AFG2A: variants seen among roughly 807,000 people sequenced by gnomAD.
AFG2A encodes ATPase family gene 2 protein homolog A.
At chr4:123,085,111 G>A in the AFG2A span, among the ~76,000 whole-genome samples, 604 of 152,028 alleles carry the variant, frequency 4.0e-3, 3 homozygotes, top group Non-Finnish European at 5.6e-3. Context: ...ATTTGTTCAT[G>A]TGTGTTTTAT....
chr4:123,108,701 G>A, the AFG2A span, among the ~76,000 whole-genome samples: 6 of 151,934 alleles, frequency 3.9e-5, no homozygotes, highest in African/African-American at 1.2e-4. Context: ...ATTTGTCATA[G>A]GATTTTATAA....
chr4:123,292,576 C>T, the AFG2A span, among the ~76,000 whole-genome samples: 8 of 152,192 alleles, frequency 5.3e-5, no homozygotes, highest in East Asian at 3.9e-4. Flanking sequence ...TTAATGTTTG[C>T]GGTATAGTCA....
chr4:123,171,776 A>G, the AFG2A span, among the ~76,000 whole-genome samples: 7 of 152,194 alleles, frequency 4.6e-5, no homozygotes, highest in African/African-American at 1.7e-4. Context: ...ATTTTTCCAT[A>G]AATGCTTTTC....
chr4:123,141,694 G>A, the AFG2A span, among the ~76,000 whole-genome samples: 98 of 152,260 alleles, frequency 6.4e-4, no homozygotes, highest in African/African-American at 2.2e-3. Flanking sequence ...GTAGAGGCTC[G>A]ATCTGCATCT....
the AFG2A span, among the ~76,000 whole-genome samples, chr4:123,151,231 C>T: frequency 1.6e-4 from 25 of 152,170 alleles, no homozygotes; most frequent in African/African-American, 6.0e-4. Flanking sequence ...ATGACTAAAA[C>T]ACCAAAAGCA....
the AFG2A span, among the ~76,000 whole-genome samples, chr4:123,064,560 G>A: frequency 6.6e-6 from 1 of 152,150 alleles, no homozygotes; most frequent in South Asian, 2.1e-4. Context: ...AGAGCAAACT[G>A]GGCAGTAAAT....
the AFG2A span, among the ~76,000 whole-genome samples, chr4:123,121,335 A>G: frequency 6.6e-6 from 1 of 152,014 alleles, no homozygotes; most frequent in Non-Finnish European, 1.5e-5. Flanking sequence ...TAAGTTTAGC[A>G]TAGTCTTATT....
At chr4:123,209,828 C>T in the AFG2A span, among the ~76,000 whole-genome samples, 1 of 152,026 alleles carries the variant, frequency 6.6e-6, no homozygotes, top group East Asian at 1.9e-4. Flanking sequence ...CCTAGAACCT[C>T]AATTCTAGTA....
At chr4:123,273,162 C>T in the AFG2A span, among the ~76,000 whole-genome samples, 1 of 152,232 alleles carries the variant, frequency 6.6e-6, no homozygotes, top group East Asian at 1.9e-4. Context: ...CGCTGATCCT[C>T]AACTTAAAAG....
At chr4:123,129,037 T>C in the AFG2A span, among the ~76,000 whole-genome samples, 2 of 152,232 alleles carry the variant, frequency 1.3e-5, no homozygotes, top group Admixed American at 6.5e-5. Flanking sequence ...TGTTAAAGTA[T>C]TTGCTTAAAA....
chr4:123,287,491 T>A, the AFG2A span, among the ~76,000 whole-genome samples: 2 of 152,220 alleles, frequency 1.3e-5, no homozygotes, highest in African/African-American at 4.8e-5. Context: ...CTATAAGGCA[T>A]ATAAATTCCA....
At chr4:123,172,116 A>G in the AFG2A span, among the ~76,000 whole-genome samples, 1 of 152,118 alleles carries the variant, frequency 6.6e-6, no homozygotes, top group African/African-American at 2.4e-5. Flanking sequence ...TTTGCCATGC[A>G]TTCTTAATAC....
chr4:122,927,718 G>C, the AFG2A span: 1 of 1,613,114 alleles, frequency 6.2e-7, no homozygotes, highest in African/African-American at 1.3e-5. Flanking sequence ...ATATGTATAG[G>C]TCGACCAGTG....
At chr4:123,087,269 A>G in the AFG2A span, among the ~76,000 whole-genome samples, 1 of 152,124 alleles carries the variant, frequency 6.6e-6, no homozygotes, top group Non-Finnish European at 1.5e-5. Context: ...TAGTGAGTCT[A>G]TACCCTTGGA....
At chr4:122,929,365 A>G in the AFG2A span, among the ~76,000 whole-genome samples, 1 of 152,218 alleles carries the variant, frequency 6.6e-6, no homozygotes, top group Non-Finnish European at 1.5e-5. Flanking sequence ...TAACCAGTAT[A>G]TATAAAAATG....
At chr4:123,106,752 C>T in the AFG2A span, among the ~76,000 whole-genome samples, 2 of 152,256 alleles carry the variant, frequency 1.3e-5, no homozygotes, top group African/African-American at 4.8e-5. Context: ...GCCAGTGGCT[C>T]CTTCTGCCTG....
chr4:122,923,333 G>A, the AFG2A span: 2 of 1,612,696 alleles, frequency 1.2e-6, no homozygotes, highest in Middle Eastern at 1.7e-4. Flanking sequence ...GGAGACTAGA[G>A]GCCGAGGGGG....
the AFG2A span, among the ~76,000 whole-genome samples, chr4:123,090,919 CA>C: frequency 6.6e-6 from 1 of 152,132 alleles, no homozygotes; most frequent in East Asian, 1.9e-4. Context: ...GCAAGTTTAC[CA>C]CTTCTGGATA....
At chr4:123,314,202 T>G in the AFG2A span, 11 of 607,516 alleles carry the variant, frequency 1.8e-5, no homozygotes, top group Non-Finnish European at 2.9e-5. Flanking sequence ...GGGGCTTTGG[T>G]TCTTACAGAT....
Sources: gnomAD v4.1 joint callset for allele counts (sites outside exome capture counted in the v4.1 genomes callset) on GRCh38, gnomAD v4.1.1 for gene constraint, MANE v1.5 for transcripts, NCBI Gene and HGNC (gene_info 2026-07-23, HGNC 2026-07-21) for gene names.